Variants in PEX16 observed in about 807,000 individuals in gnomAD.
PEX16 encodes peroxisomal biogenesis factor 16.
Under a neutral mutation model 50.5 loss-of-function variants are expected in PEX16, and 37 were observed. The ratio of observed to expected loss-of-function variants is 0.73; its 90% CI spans 0.56 to 0.96. The LOEUF is 0.96. Ranked by LOEUF, PEX16 falls within the 40% of genes least tolerant of loss-of-function variation. The pLI, the probability that PEX16 is intolerant of heterozygous loss-of-function variation, is 0.00. For missense variants in PEX16, 401 were observed against 438.3 expected (o/e 0.91, Z 0.76); for synonymous variants, 185 against 190.3 (o/e 0.97, Z 0.23).
chr11:45,913,369 G>A (rs998243084), intron 9 of PEX16, among the ~76,000 whole-genome samples: 3 of 152,184 alleles, frequency 2.0e-5, no homozygotes, highest in Non-Finnish European at 4.4e-5. Context: ...GGGCCAGGCA[G>A]GGAAGGCCAG....
At chr11:45,918,047 CCCT>C, upstream of PEX16, 1 of 594,388 alleles carries the variant, frequency 1.7e-6, no homozygotes, top group South Asian at 1.8e-5. Flanking sequence ...GCCCCCTACT[CCCT>C]CAAGTCATTG....
Position 45,916,298 on chromosome 11 carries a change from A to G in PEX16, c.154T>C (p.Ser52Pro), listed in dbSNP as rs746462261. The G allele has an allele frequency of 1.9e-6, 3 of 1,613,566 alleles. No individual in the cohort carries two copies. Among genetic ancestry groups the G allele is most frequent in the Non-Finnish European group, 2.5e-6 (3 of 1,179,800 alleles). The change falls in exon 3 of 11, where the codon TCT (serine) becomes CCT (proline). Residue 52 changes from serine to proline, a missense_variant. Ser to Pro is a moderately conservative substitution (Grantham distance 74). Transcript: ENST00000378750. ...AGCAGCACAAGCAGGTTAGAGGCAG[A>G]GTACACTGAGGGGTAGAGAGTGGCC... ...DSHELSELVY[S>P]ASNLLVLLND...
At chr11:45,917,557 C>T in intron 1 of PEX16, 64 bp from the exon 2 acceptor site, 1 of 1,589,866 alleles carries the variant, frequency 6.3e-7, no homozygotes, top group Non-Finnish European at 8.6e-7. Flanking sequence ...CTTCGGGTCC[C>T]GGAAATCCCC....
At chr11:45,910,820 G>A (rs1470633757) in intron 10 of PEX16, 78 bp downstream of exon 10, 5 of 1,243,792 alleles carry the variant, frequency 4.0e-6, no homozygotes, top group Non-Finnish European at 5.9e-6. Context: ...AAATTGCAAG[G>A]AGACAGAGGA....
rs776023539 is a variant in PEX16 at position 45,910,140 on chromosome 11, C to G, written c.*114G>C. On this transcript the variant is annotated 3_prime_UTR_variant, in exon 11 of 11. Coordinates refer to ENST00000378750, the MANE Select transcript of PEX16 (RefSeq NM_004813.4). Reference sequence around the variant, plus strand: ...GTGGCGACCAGGGCTGTGTGTGGGGCCTGGCCGGTAGGCACGGAGAGGCCG... The same window carrying G: ...GTGGCGACCAGGGCTGTGTGTGGGGGCTGGCCGGTAGGCACGGAGAGGCCG... 6.2e-7 allele frequency: 1 copy of G among 1,611,718 alleles called. No homozygotes were observed. Among genetic ancestry groups the G allele is most frequent in the African/African-American group, 1.3e-5 (1 of 74,862 alleles).
intron 9 of PEX16, among the ~76,000 whole-genome samples, chr11:45,911,563 G>A (rs1472737226): frequency 6.6e-6 from 1 of 152,218 alleles, no homozygotes; most frequent in Non-Finnish European, 1.5e-5. Flanking sequence ...TACACCCCAC[G>A]CACTGCTGTA....
chr11:45,914,558 G>T, intron 6 of PEX16, 46 bp downstream of exon 6: 1 of 1,612,420 alleles, frequency 6.2e-7, no homozygotes, highest in Admixed American at 1.7e-5. Context: ...CTCAAGCCCA[G>T]GCAGACAGCA....
chr11:45,918,253 A>G (rs1164739452), upstream of PEX16: 2 of 272,162 alleles, frequency 7.3e-6, no homozygotes, highest in Non-Finnish European at 1.5e-5. Flanking sequence ...CTCGAACGGC[A>G]GGGCCGGATT....
At chr11:45,910,760 C>A (rs1272727593) in intron 10 of PEX16, 138 bp downstream of exon 10, 2 of 911,580 alleles carry the variant, frequency 2.2e-6, no homozygotes, top group East Asian at 4.9e-5. Context: ...CAGGGGCAGT[C>A]CCACCCAATC....
chr11:45,914,494 C>G (rs745581860), intron 6 of PEX16, 26 bp from the exon 7 acceptor site: 20 of 1,608,990 alleles, frequency 1.2e-5, no homozygotes, highest in Admixed American at 1.7e-5. Context: ...GGCAGATGAG[C>G]GAGCCAGGCC....
chr11:45,910,872 G>A, intron 10 of PEX16, 26 bp downstream of exon 10: 1 of 1,607,306 alleles, frequency 6.2e-7, no homozygotes. Context: ...CAGCACTACA[G>A]TCATCGCGTC....
chr11:45,910,871 A>G lies in PEX16; in HGVS notation c.952+27T>C, dbSNP rs2086770092. 7.5e-6 allele frequency: 12 copies of G among 1,606,040 alleles called. No individual in the cohort carries two copies. The East Asian group carries it at 1.6e-4, about 21-fold the overall frequency. ...GCATGCATGCGCCTTCCAGCACTAC[A>G]GTCATCGCGTCCCCATCCCTGCTTA... On this transcript the variant is annotated intron_variant, in intron 10 of 10. Transcript: ENST00000378750.
At chr11:45,912,043 AAAG>A (rs1284944411) in intron 9 of PEX16, 4 of 151,988 alleles carry the variant, frequency 2.6e-5, no homozygotes, top group Non-Finnish European at 4.4e-5. Flanking sequence ...AAAGAAAAGA[AAAG>A]AAGAAGGCTG....
intron 10 of PEX16, 128 bp from the exon 11 acceptor site, chr11:45,910,440 C>T: frequency 1.3e-6 from 1 of 773,316 alleles, no homozygotes; most frequent in Non-Finnish European, 2.3e-6. Flanking sequence ...CCCCAGGAGG[C>T]AGCACTGCAG....
Position 45,910,019 on chromosome 11 carries a change from C to T in PEX16, c.*235G>A, listed in dbSNP as rs1349464264. On this transcript the variant is annotated 3_prime_UTR_variant, in exon 11 of 11. Transcript: ENST00000378750. ...TGGGAGAGGAGCCTGGATCCCACTC[C>T]TAGTGAAGGCTTCTTGGCCCAGCAG... is the stretch of plus-strand genomic sequence containing the variant. 3.6e-6 allele frequency: 5 copies of T among 1,381,002 alleles called. No individual in the cohort carries two copies. The East Asian group carries it at 1.1e-4, about 32-fold the overall frequency. The allele number at this position is 1,381,002 out of a possible 1,614,324, so 85.5% of individuals were successfully genotyped here. A position where few individuals can be genotyped will look rare whatever the true frequency, so the allele number is the denominator to read the frequency against.
chr11:45,914,903 G>A (rs1337573465), intron 5 of PEX16, among the ~76,000 whole-genome samples: 1 of 152,226 alleles, frequency 6.6e-6, no homozygotes, highest in East Asian at 1.9e-4. Context: ...CCTGGGGAAA[G>A]CTCAGCATAG....
intron 2 of PEX16, chr11:45,917,166 A>T: frequency 1.5e-6 from 1 of 684,404 alleles, no homozygotes; most frequent in Non-Finnish European, 2.7e-6. Context: ...GATGACAATA[A>T]GTACCACTTA....
At position 45,910,308 on chromosome 11, in the gene PEX16, C is replaced by T. The variant is rs751904831; in HGVS notation, c.957G>A (p.Pro319=). 8.7e-6 allele frequency: 14 copies of T among 1,613,208 alleles called. No individual in the cohort carries two copies. The highest frequency in any genetic ancestry group is 6.6e-5 in the South Asian group (6 of 91,068). Residue 319 remains proline (P), a synonymous_variant, in exon 11 of 11, where the codon CCG becomes CCA. Transcript: ENST00000378750. The part of the protein sequence containing the change: ...HVPGVGLVTR[P]LMDYLPTWQK... Reference sequence around the variant, plus strand: ...GCCAGGTGGGCAAGTAATCCATGAGCGGCCCTGCAGTGGGAGAGGGACACA... The same window carrying T: ...GCCAGGTGGGCAAGTAATCCATGAGTGGCCCTGCAGTGGGAGAGGGACACA...
intron 3 of PEX16, 88 bp downstream of exon 3, chr11:45,916,139 G>T: frequency 1.0e-6 from 1 of 976,232 alleles, no homozygotes. Flanking sequence ...CATACTCCAT[G>T]AGACATGTGC....
Sources: allele counts gnomAD v4.1 joint callset (sites outside exome capture counted in the v4.1 genomes callset), GRCh38; gene constraint gnomAD v4.1.1; transcripts MANE v1.5; gene names NCBI Gene and HGNC (gene_info 2026-07-23, HGNC 2026-07-21).